TMEM108: variants seen among roughly 807,000 people sequenced by gnomAD.
TMEM108 encodes transmembrane protein 108.
Under a neutral mutation model 35.1 loss-of-function variants are expected in TMEM108, and 12 were observed. That is an observed-to-expected ratio of 0.34 (90% confidence interval 0.22 to 0.55). The LOEUF (loss-of-function observed/expected upper bound fraction) is 0.55, where lower values mean the gene tolerates loss of function less well. Among genes scored for constraint, TMEM108 ranks in the 20% least tolerant of loss-of-function variants. The pLI is 0.89. For synonymous variants in TMEM108, 287 were observed against 308.6 expected, an observed-to-expected ratio of 0.93 and a Z score of 0.73; for missense variants, 680 against 753.3, an observed-to-expected ratio of 0.90 and a Z score of 1.14.
At position 133,347,050 on chromosome 3, in the gene TMEM108, T is replaced by C. The variant is rs188059076; in HGVS notation, c.41-32702T>C. ...TGCCTTCATTACTGAACCTTTATCG[T>C]AAGTCTTGAAGTTGGATAGTGTCAG... On this transcript the variant is annotated intron_variant, in intron 3 of 5. Coordinates refer to ENST00000321871, the MANE Select transcript of TMEM108 (RefSeq NM_023943.4). Among the ~76,000 whole-genome samples the C allele has an allele frequency of 1.9e-4, 29 of 152,250 alleles. 1 individual carries two copies. The highest frequency in any genetic ancestry group is 3.3e-4 in the Admixed American group (5 of 15,278).
At chr3:133,288,102 C>T (rs774730569) in intron 3 of TMEM108, among the ~76,000 whole-genome samples, 3 of 152,082 alleles carry the variant, frequency 2.0e-5, no homozygotes, top group African/African-American at 7.2e-5. Context: ...GTTTCTTGCC[C>T]GCATGGTCAT....
At chr3:133,127,030 G>A (rs1057293523) in intron 2 of TMEM108, among the ~76,000 whole-genome samples, 37 of 151,986 alleles carry the variant, frequency 2.4e-4, no homozygotes, top group African/African-American at 8.2e-4. Flanking sequence ...TTTAAAATAC[G>A]AAGTCTTGAA....
At position 133,079,634 on chromosome 3, in the gene TMEM108, G is replaced by A. The variant is rs1183499740; in HGVS notation, c.-47+33614G>A. ...TCTAATCATGTCTGAAAGGCCCTAT[G>A]TCCAGGTACCATCACATTAGGATTA... is the stretch of plus-strand genomic sequence containing the variant. On this transcript the variant is annotated intron_variant, in intron 2 of 5. Coordinates refer to ENST00000321871, the MANE Select transcript of TMEM108 (RefSeq NM_023943.4). 2.0e-5 allele frequency among the ~76,000 whole-genome samples: 3 copies of A among 152,150 alleles called. No individual in the cohort carries two copies. The East Asian group carries it at 5.8e-4, about 29-fold the overall frequency.
At chr3:133,159,412 G>T (rs1042511457) in intron 2 of TMEM108, among the ~76,000 whole-genome samples, 2 of 152,170 alleles carry the variant, frequency 1.3e-5, no homozygotes, top group African/African-American at 4.8e-5. Context: ...TCCATGCTCT[G>T]AGTAGCTAAC....
chr3:133,311,560 A>G (rs144339356), intron 3 of TMEM108, among the ~76,000 whole-genome samples: 17 of 152,302 alleles, frequency 1.1e-4, no homozygotes, highest in African/African-American at 4.1e-4. Flanking sequence ...TTTCAGCTCC[A>G]TCAGGTCATT....
intron 3 of TMEM108, among the ~76,000 whole-genome samples, chr3:133,358,198 G>A (rs556355740): frequency 6.7e-6 from 1 of 148,754 alleles, no homozygotes; most frequent in South Asian, 2.1e-4. Flanking sequence ...TTGAGATGAA[G>A]TCTTGCTCTG....
At chr3:133,362,773 C>G (rs2072391196) in intron 3 of TMEM108, among the ~76,000 whole-genome samples, 2 of 152,206 alleles carry the variant, frequency 1.3e-5, no homozygotes, top group East Asian at 1.9e-4. Context: ...CTCTTGCACT[C>G]TCTCTGAACC....
At chr3:133,136,321 C>G (rs372492525) in intron 2 of TMEM108, among the ~76,000 whole-genome samples, 1 of 152,132 alleles carries the variant, frequency 6.6e-6, no homozygotes, top group Non-Finnish European at 1.5e-5. Context: ...TCTGTCAAGA[C>G]AGGAGAGAAG....
intron 3 of TMEM108, among the ~76,000 whole-genome samples, chr3:133,254,584 G>A (rs1044495913): frequency 6.6e-6 from 1 of 151,976 alleles, no homozygotes; most frequent in Non-Finnish European, 1.5e-5. Context: ...AAGAAAGCAA[G>A]CTATGATAAG....
At chr3:133,323,044 GC>G (rs2071286208) in intron 3 of TMEM108, among the ~76,000 whole-genome samples, 1 of 152,122 alleles carries the variant, frequency 6.6e-6, no homozygotes, top group South Asian at 2.1e-4. Flanking sequence ...CAAACCCACA[GC>G]CAACATTATA....
chr3:133,071,305 C>T (rs1032413485), intron 2 of TMEM108, among the ~76,000 whole-genome samples: 1 of 152,116 alleles, frequency 6.6e-6, no homozygotes, highest in African/African-American at 2.4e-5. Context: ...TGAGCCCTCT[C>T]TCCTCATCTT....
Position 133,365,467 on chromosome 3 carries a change from C to T in TMEM108, c.41-14285C>T, listed in dbSNP as rs188063057. 9.4e-4 allele frequency among the ~76,000 whole-genome samples: 143 copies of T among 152,198 alleles called. No individual in the cohort carries two copies. The Middle Eastern group carries it at 0.014, about 14-fold the overall frequency. On this transcript the variant is annotated intron_variant, in intron 3 of 5. Coordinates refer to ENST00000321871, the MANE Select transcript of TMEM108 (RefSeq NM_023943.4). ...ACATAGGGTGGTATTTATATTTATGCGTACCTGGGTTTGTTAAGAGCTATG... is the reference window on the plus strand; with the variant it reads ...ACATAGGGTGGTATTTATATTTATGTGTACCTGGGTTTGTTAAGAGCTATG...
Position 133,123,338 on chromosome 3 carries a change from G to A in TMEM108, c.-47+77318G>A, listed in dbSNP as rs75458099. On this transcript the variant is annotated intron_variant, in intron 2 of 5. Coordinates refer to ENST00000321871, the MANE Select transcript of TMEM108 (RefSeq NM_023943.4). ...TTTTTGCATTTTTGTAAGTATATTT[G>A]TAGGATACATTCAAGGCAAGGGAAT... Among the ~76,000 whole-genome samples the A allele has an allele frequency of 1.8e-3, 272 of 152,122 alleles. 4 individuals are homozygous for A. The highest frequency in any genetic ancestry group is 6.4e-3 in the African/African-American group (265 of 41,496).
At chr3:133,145,107 T>A (rs965160408) in intron 2 of TMEM108, among the ~76,000 whole-genome samples, 2 of 152,204 alleles carry the variant, frequency 1.3e-5, no homozygotes, top group Admixed American at 6.5e-5. Flanking sequence ...GTCTTTCATT[T>A]AAGTCTTTAA....
chr3:133,176,369 AT>A (rs1231559446), intron 2 of TMEM108, among the ~76,000 whole-genome samples: 1 of 152,114 alleles, frequency 6.6e-6, no homozygotes, highest in Non-Finnish European at 1.5e-5. Context: ...CAGAATATAC[AT>A]TTTTTTCAGC....
chr3:133,074,972 TTG>T (rs200348991), intron 2 of TMEM108, among the ~76,000 whole-genome samples: 2,540 of 152,266 alleles, frequency 0.017, 83 homozygotes, highest in African/African-American at 0.058. Flanking sequence ...AAAATATGTA[TTG>T]TGTTGTATTC....
intron 2 of TMEM108, among the ~76,000 whole-genome samples, chr3:133,201,611 C>A (rs542201411): frequency 5.9e-5 from 9 of 152,272 alleles, no homozygotes; most frequent in Non-Finnish European, 1.2e-4. Flanking sequence ...TCAGCCATAT[C>A]CCTGTGAAGG....
At chr3:133,317,233 A>G (rs933703525) in intron 3 of TMEM108, among the ~76,000 whole-genome samples, 1 of 152,214 alleles carries the variant, frequency 6.6e-6, no homozygotes, top group African/African-American at 2.4e-5. Flanking sequence ...CAAGGAATAT[A>G]TGCATTGCTG....
intron 3 of TMEM108, among the ~76,000 whole-genome samples, 153 bp downstream of exon 3, chr3:133,229,504 C>T (rs555403819): frequency 1.1e-4 from 17 of 152,198 alleles, no homozygotes; most frequent in African/African-American, 3.9e-4. Context: ...AAGTATCAAG[C>T]GTTAAGTCAT....
Sources: allele counts gnomAD v4.1 joint callset (sites outside exome capture counted in the v4.1 genomes callset), GRCh38; gene constraint gnomAD v4.1.1; transcripts MANE v1.5; gene names NCBI Gene and HGNC (gene_info 2026-07-23, HGNC 2026-07-21).